ZNF280C: variants seen among roughly 807,000 people sequenced by gnomAD.
ZNF280C encodes zinc finger protein 280C, also known as suppressor of hairy wing homolog 3.
In ZNF280C, 14 loss-of-function variants were observed where a neutral mutation model predicts 53.6. That is an observed-to-expected ratio of 0.26 (90% confidence interval 0.17 to 0.41). The LOEUF (loss-of-function observed/expected upper bound fraction) is 0.41, where lower values mean the gene tolerates loss of function less well. ZNF280C is among the 10% of genes least tolerant of loss of function. The pLI is 1.00. For synonymous variants in ZNF280C, 203 were observed against 181.1 expected, an observed-to-expected ratio of 1.12 and a Z score of -0.97; for missense variants, 416 against 547.1, an observed-to-expected ratio of 0.76 and a Z score of 2.39.
intron 18 of ZNF280C, 44 bp downstream of exon 18, chrX:130,205,073 A>G: frequency 3.5e-6 from 4 of 1,149,986 alleles, no homozygotes; most frequent in Middle Eastern, 2.7e-4. Context: ...CAACAGTGCT[A>G]AAGTCCATCA....
intron 2 of ZNF280C, among the ~76,000 whole-genome samples, chrX:130,252,521 A>G (rs944230938): frequency 3.5e-4 from 39 of 111,180 alleles, no homozygotes; most frequent in Non-Finnish European, 4.3e-4. Context: ...AGAGATCAAG[A>G]CCATCCTGGC....
intron 8 of ZNF280C, among the ~76,000 whole-genome samples, chrX:130,235,505 C>T (rs770300967): frequency 2.7e-5 from 3 of 112,106 alleles, no homozygotes; most frequent in African/African-American, 9.7e-5. Context: ...CAGAGCAAGA[C>T]TCTGTCTCAA....
rs1484204109 is a variant in ZNF280C, at chrX:130,229,183, G to A, written c.990-49C>T. 6 of 1,071,628 alleles carry A rather than the reference G, an allele frequency of 5.6e-6. No homozygotes were observed. The Admixed American group carries it at 1.4e-4, about 25-fold the overall frequency. The allele number at this position is 1,071,628 out of a possible 1,213,427, so 88.3% of individuals were successfully genotyped here. On this transcript the variant is annotated intron_variant, in intron 9 of 18. Coordinates refer to ENST00000370978, the MANE Select transcript of ZNF280C (RefSeq NM_017666.5). ...GCAAAAATTCAGACTTATAACCAAA[G>A]AAAAACCTCACAAATAAGTCTCTGA... is the stretch of plus-strand genomic sequence containing the variant.
At chrX:130,252,239 A>AG (rs897329797) in intron 2 of ZNF280C, among the ~76,000 whole-genome samples, 6 of 112,714 alleles carry the variant, frequency 5.3e-5, no homozygotes, top group African/African-American at 1.9e-4. Flanking sequence ...CGAATACAGC[A>AG]GCACATCAAA....
chrX:130,248,961 A>G (rs1203712052), intron 2 of ZNF280C, among the ~76,000 whole-genome samples: 1 of 110,511 alleles, frequency 9.0e-6, no homozygotes, highest in Non-Finnish European at 1.9e-5. Context: ...CACTCCGCCC[A>G]CCCTCCTCTG....
Position 130,247,204 on chromosome X carries a change from G to A in ZNF280C, c.32-199C>T, listed in dbSNP as rs1409240586. 2.7e-5 allele frequency among the ~76,000 whole-genome samples: 3 copies of A among 112,039 alleles called. No homozygotes were observed. The East Asian group carries it at 8.3e-4, about 31-fold the overall frequency. Reference sequence around the variant, plus strand: ...GCTCACTGCAACCTCCGCCTCCTGGGTTCAAACGATTCTCCTGCCTCAGCC... The same window carrying A: ...GCTCACTGCAACCTCCGCCTCCTGGATTCAAACGATTCTCCTGCCTCAGCC... On this transcript the variant is annotated intron_variant, in intron 2 of 18. Transcript: ENST00000370978.
intron 17 of ZNF280C, 54 bp from the exon 18 acceptor site, chrX:130,205,207 T>C: frequency 8.9e-7 from 1 of 1,119,387 alleles, no homozygotes; most frequent in South Asian, 1.9e-5. Flanking sequence ...AGTGAGACTA[T>C]CAATTTAATA....
At chrX:130,243,190 G>T (rs1275979294) in intron 5 of ZNF280C, among the ~76,000 whole-genome samples, 2 of 111,081 alleles carry the variant, frequency 1.8e-5, no homozygotes, top group African/African-American at 6.5e-5. Flanking sequence ...GTTGGCTTTT[G>T]TTTTTTTCTT....
Position 130,245,931 on chromosome X carries a change from C to T in ZNF280C, c.178+928G>A, listed in dbSNP as rs141646262. ...TCCTGAGTAGCTGGGACTACAGGCA[C>T]GCGCCACCATGACTGGCTAATTTTT... On this transcript the variant is annotated intron_variant, in intron 3 of 18. Transcript: ENST00000370978. 4.1e-3 allele frequency among the ~76,000 whole-genome samples: 448 copies of T among 110,408 alleles called. 3 individuals are homozygous for T. Among genetic ancestry groups the T allele is most frequent in the African/African-American group, 0.014 (430 of 30,334 alleles).
intron 16 of ZNF280C, among the ~76,000 whole-genome samples, chrX:130,205,748 G>GT (rs1472112493): frequency 7.3e-5 from 8 of 109,232 alleles, no homozygotes; most frequent in African/African-American, 2.7e-4. Context: ...GCATCATGGC[G>GT]TGAGTCTGTA....
At position 130,205,301 on chromosome X, in the gene ZNF280C, C is replaced by T; in HGVS notation, c.2157G>A (p.Glu719=). The change falls in exon 17 of 19, where the codon GAG becomes GAA. Residue 719 remains glutamate, a synonymous_variant. Transcript: ENST00000370978. ...RKTHTCQVII[E]NVSKSTSTSE... Reference sequence around the variant, plus strand: ...AACACAATTATATATACGTACCATTCTCTATTATAACTTGGCAAGTATGAG... The same window carrying T: ...AACACAATTATATATACGTACCATTTTCTATTATAACTTGGCAAGTATGAG... 8.4e-7 allele frequency: 1 copy of T among 1,186,580 alleles called. No homozygotes were observed. Among genetic ancestry groups the T allele is most frequent in the African/African-American group, 1.8e-5 (1 of 57,092 alleles).
At chrX:130,255,141 C>CTTTT (rs754125713) in intron 2 of ZNF280C, among the ~76,000 whole-genome samples, 1 of 91,185 alleles carries the variant, frequency 1.1e-5, no homozygotes, top group East Asian at 3.5e-4. Flanking sequence ...CTTTTTTTTT[C>CTTTT]TTTTTTTTTT....
intron 2 of ZNF280C, among the ~76,000 whole-genome samples, chrX:130,256,381 G>T (rs1310931419): frequency 1.8e-5 from 2 of 111,736 alleles, no homozygotes; most frequent in Non-Finnish European, 3.8e-5. Context: ...ACATTAAATT[G>T]TTAGATTACC....
chrX:130,222,836 G>A (rs974626302), intron 12 of ZNF280C, among the ~76,000 whole-genome samples: 3 of 110,184 alleles, frequency 2.7e-5, no homozygotes, highest in African/African-American at 9.9e-5. Context: ...GGCTAATTTT[G>A]TATTTTTAGA....
Position 130,205,144 on chromosome X carries a change from C to G in ZNF280C, c.2171G>C (p.Ser724Thr), listed in dbSNP as rs1158801157. 8.3e-7 allele frequency: 1 copy of G among 1,200,906 alleles called. No individual in the cohort carries two copies. The highest frequency in any genetic ancestry group is 1.1e-6 in the Non-Finnish European group (1 of 890,378). Residue 724 changes from serine (S) to threonine (T), a missense_variant, in exon 18 of 19, where the codon AGT (serine) becomes ACT (threonine). Physicochemically the swap from Ser to Thr is moderately conservative, Grantham distance 58 (BLOSUM62 1). Coordinates refer to ENST00000370978, the MANE Select transcript of ZNF280C (RefSeq NM_017666.5). The part of the protein sequence containing the change: ...CQVIIENVSK[S>T]TSTSEPTTGC... ...AGTAGTGGGTTCAGAAGTTGAGGTA[C>G]TTTTGGAAACTGAAATCAAAAGAGT...
At chrX:130,267,057 C>T (rs1216892276) in intron 1 of ZNF280C, among the ~76,000 whole-genome samples, 1 of 106,464 alleles carries the variant, frequency 9.4e-6, no homozygotes, top group East Asian at 2.9e-4. Context: ...GCTGAGATCG[C>T]GCCACTGCAC....
chrX:130,266,865 G>A (rs2032694262), intron 1 of ZNF280C, among the ~76,000 whole-genome samples: 1 of 111,511 alleles, frequency 9.0e-6, no homozygotes, highest in Non-Finnish European at 1.9e-5. Flanking sequence ...CACTTTGGGA[G>A]GCCGAGGTGG....
rs1004875987 is a variant in ZNF280C, at chrX:130,260,380, A to T, written c.31+39T>A. On this transcript the variant is annotated intron_variant, in intron 2 of 18. Transcript: ENST00000370978. ...CTTTTGAAAGGTTTACAGTACAAAA[A>T]CCATGCCTATTAGTATCAACTACAG... 7 of 1,153,727 alleles carry T rather than the reference A, an allele frequency of 6.1e-6. No homozygotes were observed. The African/African-American group carries it at 1.3e-4, about 21-fold the overall frequency.
chrX:130,250,855 A>T (rs886257385), intron 2 of ZNF280C, among the ~76,000 whole-genome samples: 22 of 111,345 alleles, frequency 2.0e-4, no homozygotes, highest in Non-Finnish European at 3.4e-4. Flanking sequence ...AACATTTTGG[A>T]AGGCGGAGGT....
Sources: gnomAD v4.1 joint callset for allele counts (sites outside exome capture counted in the v4.1 genomes callset) on GRCh38, gnomAD v4.1.1 for gene constraint, MANE v1.5 for transcripts, NCBI Gene and HGNC (gene_info 2026-07-23, HGNC 2026-07-21) for gene names.